TMEM178B: variants seen among roughly 807,000 people sequenced by gnomAD.
TMEM178B encodes transmembrane protein 178B.
TMEM178B carries 5 observed loss-of-function variants against 31.0 expected under a neutral mutation model. That is an observed-to-expected ratio of 0.16 (90% CI 0.08 to 0.34). The LOEUF (loss-of-function observed/expected upper bound fraction) is 0.34, where lower values mean the gene tolerates loss of function less well. Among genes scored for constraint, TMEM178B ranks in the 10% least tolerant of loss-of-function variants. The pLI, the probability that TMEM178B is intolerant of heterozygous loss-of-function variation, is 1.00. For synonymous variants in TMEM178B, 164 were observed against 164.0 expected (o/e 1.00, Z 0.00); for missense variants, 275 against 400.3 (o/e 0.69, Z 2.67).
intron 2 of TMEM178B, among the ~76,000 whole-genome samples, chr7:141,230,590 C>A (rs757209311): frequency 2.0e-5 from 3 of 152,114 alleles, no homozygotes; most frequent in African/African-American, 4.8e-5. Context: ...TCTCTTGTTA[C>A]CCTCTTCACT....
chr7:141,371,309 C>T (rs901615628), intron 2 of TMEM178B, among the ~76,000 whole-genome samples: 1 of 152,032 alleles, frequency 6.6e-6, no homozygotes, highest in African/African-American at 2.4e-5. Flanking sequence ...AAAAAAAAGC[C>T]TGATACCTCC....
At chr7:141,316,552 C>CTGTG (rs74917510) in intron 2 of TMEM178B, among the ~76,000 whole-genome samples, 25,151 of 150,726 alleles carry the variant, frequency 0.17, 2,392 homozygotes, top group Middle Eastern at 0.23. Flanking sequence ...CTCTGGACTG[C>CTGTG]TGTGTGTGTG....
chr7:141,483,077 C>A (rs1802504757), downstream of TMEM178B, among the ~76,000 whole-genome samples: 1 of 152,074 alleles, frequency 6.6e-6, no homozygotes, highest in Non-Finnish European at 1.5e-5. Context: ...TAGCATGACC[C>A]AAGGTACAGC....
At chr7:141,220,808 C>T (rs974746406) in intron 2 of TMEM178B, among the ~76,000 whole-genome samples, 5 of 152,146 alleles carry the variant, frequency 3.3e-5, no homozygotes, top group African/African-American at 1.2e-4. Flanking sequence ...GGAGAACAAC[C>T]CCACTGTCCG....
intron 1 of TMEM178B, among the ~76,000 whole-genome samples, chr7:141,089,660 C>G (rs1462577717): frequency 6.6e-6 from 1 of 152,180 alleles, no homozygotes; most frequent in African/African-American, 2.4e-5. Context: ...CACATATACA[C>G]CATGGAATAC....
intron 2 of TMEM178B, among the ~76,000 whole-genome samples, chr7:141,360,896 T>C (rs1799906754): frequency 6.6e-6 from 1 of 151,494 alleles, no homozygotes; most frequent in South Asian, 2.1e-4. Flanking sequence ...CAATACTCCA[T>C]GGTGGAAGAA....
At chr7:141,162,424 A>G (rs758517586) in intron 1 of TMEM178B, among the ~76,000 whole-genome samples, 6 of 152,222 alleles carry the variant, frequency 3.9e-5, no homozygotes, top group Admixed American at 3.9e-4. Context: ...ACACCTGAAC[A>G]ATGTTTACAT....
intron 2 of TMEM178B, among the ~76,000 whole-genome samples, chr7:141,339,287 G>C (rs528227797): frequency 1.3e-5 from 2 of 150,886 alleles, no homozygotes; most frequent in African/African-American, 4.8e-5. Context: ...TAGCCAGGAG[G>C]GGTAGGGCAG....
rs1218474587 is a variant in TMEM178B at position 141,299,596 on chromosome 7, C to A, written c.496+86892C>A. On this transcript the variant is annotated intron_variant, in intron 2 of 3. Transcript: ENST00000565468. ...CTTTATCCTGGAGGTTCCCTAACAC[C>A]CTTCTCTAAGCGGGATAGGAAAACC... 2.0e-5 allele frequency among the ~76,000 whole-genome samples: 3 copies of A among 152,102 alleles called. No individual in the cohort carries two copies. In the East Asian group the frequency reaches 5.8e-4, roughly 29 times the overall value.
rs987512819 is a variant in TMEM178B at position 141,318,371 on chromosome 7, G to T, written c.496+105667G>T. Among the ~76,000 whole-genome samples the T allele has an allele frequency of 6.6e-6, 1 of 152,186 alleles. No homozygotes were observed. The highest frequency in any genetic ancestry group is 2.1e-4 in the South Asian group (1 of 4,818). On this transcript the variant is annotated intron_variant, in intron 2 of 3. Coordinates refer to ENST00000565468, the MANE Select transcript of TMEM178B (RefSeq NM_001195278.2). The surrounding 1 kb of genome is among the most constrained non-coding windows in gnomAD (Gnocchi z 4.1). Reference sequence around the variant, plus strand: ...TGGGTGTTTTAATGCTACAAAGCTTGGTTGTTCACATATCCAAGCTGGCTT... The same window carrying T: ...TGGGTGTTTTAATGCTACAAAGCTTTGTTGTTCACATATCCAAGCTGGCTT...
chr7:141,281,471 C>T (rs1019995776), intron 2 of TMEM178B, among the ~76,000 whole-genome samples: 12 of 152,124 alleles, frequency 7.9e-5, no homozygotes, highest in Admixed American at 3.9e-4. Flanking sequence ...GACTGAGCAG[C>T]GAACGTGCGT....
At chr7:141,178,983 C>T (rs2129183663) in intron 1 of TMEM178B, among the ~76,000 whole-genome samples, 1 of 152,288 alleles carries the variant, frequency 6.6e-6, no homozygotes, top group East Asian at 1.9e-4. Context: ...AACCTCTTTT[C>T]ACTTGCTTTT....
At chr7:141,202,222 A>T (rs1796889335) in intron 1 of TMEM178B, among the ~76,000 whole-genome samples, 1 of 152,246 alleles carries the variant, frequency 6.6e-6, no homozygotes, top group African/African-American at 2.4e-5. Flanking sequence ...CATCAGGACC[A>T]CAAAGGTGAA....
At chr7:141,192,525 G>A (rs1233009278) in intron 1 of TMEM178B, among the ~76,000 whole-genome samples, 10 of 149,158 alleles carry the variant, frequency 6.7e-5, no homozygotes, top group African/African-American at 2.2e-4. Context: ...GTCTCACTCT[G>A]TCGCCCAGGC....
chr7:141,469,851 G>A (rs912761606), intron 3 of TMEM178B, among the ~76,000 whole-genome samples: 1 of 140,248 alleles, frequency 7.1e-6, no homozygotes, highest in South Asian at 2.1e-4. Flanking sequence ...TCTGCATAAA[G>A]TAGGGTAGAT....
At chr7:141,437,876 G>C in intron 3 of TMEM178B, 131 bp downstream of exon 3, 1 of 1,302,412 alleles carries the variant, frequency 7.7e-7, no homozygotes, top group Non-Finnish European at 1.0e-6. Context: ...TCATCCATTG[G>C]TTCACAAGCA....
chr7:141,147,109 C>T (rs1446182390), intron 1 of TMEM178B, among the ~76,000 whole-genome samples: 1 of 152,052 alleles, frequency 6.6e-6, no homozygotes, highest in Non-Finnish European at 1.5e-5. Flanking sequence ...GCTGCTACTC[C>T]CCTTGAATTG....
intron 2 of TMEM178B, among the ~76,000 whole-genome samples, chr7:141,319,767 TCA>T (rs1395685645): frequency 2.0e-5 from 3 of 152,168 alleles, no homozygotes; most frequent in Admixed American, 2.0e-4. Flanking sequence ...TGTCTTCTTA[TCA>T]CAGAGTTCAG....
chr7:141,296,174 TCTC>T (rs1182578374), intron 2 of TMEM178B, among the ~76,000 whole-genome samples: 3 of 152,022 alleles, frequency 2.0e-5, no homozygotes, highest in Non-Finnish European at 4.4e-5. Flanking sequence ...TCCAAGCAAT[TCTC>T]CTGCCTCAGG....
Sources: gnomAD v4.1 joint callset for allele counts (sites outside exome capture counted in the v4.1 genomes callset) on GRCh38, gnomAD v4.1.1 for gene constraint, Gnocchi (gnomAD v3.1) non-coding constraint, MANE v1.5 for transcripts, NCBI Gene and HGNC (gene_info 2026-07-23, HGNC 2026-07-21) for gene names.